Variants in CAPN2 observed in about 807,000 individuals in gnomAD.
The protein encoded by CAPN2 is calpain-2 catalytic subunit.
CAPN2 carries 92 observed loss-of-function variants against 102.3 expected under a neutral mutation model. The observed-to-expected ratio is 0.90, with a 90% CI of 0.76 to 1.07. The LOEUF is 1.07. CAPN2 is among the 50% of genes least tolerant of loss of function. CAPN2 has a pLI of 0.00. For synonymous variants in CAPN2, 340 were observed against 355.4 expected (o/e 0.96, Z 0.49); for missense variants, 800 against 909.4 (o/e 0.88, Z 1.55).
intron 1 of CAPN2, among the ~76,000 whole-genome samples, chr1:223,713,873 C>T (rs1207657260): frequency 2.0e-5 from 3 of 152,230 alleles, no homozygotes; most frequent in Admixed American, 1.3e-4. Context: ...TGACCTTGAA[C>T]GAGCCATTTA....
At position 223,755,687 on chromosome 1, in the gene CAPN2, G is replaced by A. The variant is rs1234418914; in HGVS notation, c.1305+38G>A. On this transcript the variant is annotated intron_variant, in intron 10 of 20. Coordinates refer to ENST00000295006, the MANE Select transcript of CAPN2 (RefSeq NM_001748.5). The surrounding 1 kb of genome is among the most constrained non-coding windows in gnomAD (Gnocchi z 4.1). ...GGGGCTCCTGCCCTCCCTTCCCCAT[G>A]TGTTCATCTCAGCCCCTGCATGGAA... 2 of 1,520,714 alleles carry A rather than the reference G, an allele frequency of 1.3e-6. No individual in the cohort carries two copies. The highest frequency in any genetic ancestry group is 2.8e-5 in the African/African-American group (2 of 71,540). The allele number at this position is 1,520,714 out of a possible 1,614,324, so 94.2% of individuals were successfully genotyped here.
intron 16 of CAPN2, 51 bp from the exon 17 acceptor site, chr1:223,769,790 C>A (rs1208116350): frequency 1.5e-6 from 2 of 1,358,120 alleles, no homozygotes; most frequent in Non-Finnish European, 2.1e-6. Context: ...AACTAGGTGA[C>A]ACTATGTGCA....
intron 20 of CAPN2, 132 bp from the exon 21 acceptor site, chr1:223,774,702 T>G: frequency 1.3e-6 from 1 of 744,172 alleles, no homozygotes; most frequent in South Asian, 1.6e-5. Flanking sequence ...AAAATATGAG[T>G]TAGTGCACTG....
chr1:223,707,454 A>G (rs1394332648), intron 1 of CAPN2, among the ~76,000 whole-genome samples: 2 of 152,150 alleles, frequency 1.3e-5, no homozygotes, highest in African/African-American at 4.8e-5. Context: ...CGTGAAAAGG[A>G]TTGTGTGGTC....
chr1:223,706,062 G>T (rs906005994), intron 1 of CAPN2, among the ~76,000 whole-genome samples: 1 of 152,228 alleles, frequency 6.6e-6, no homozygotes, highest in Non-Finnish European at 1.5e-5. Flanking sequence ...TAGCACTGGT[G>T]GGTGAGGGGC....
At chr1:223,716,773 C>T (rs187000979) in intron 1 of CAPN2, among the ~76,000 whole-genome samples, 44 of 152,036 alleles carry the variant, frequency 2.9e-4, no homozygotes, top group African/African-American at 9.6e-4. Flanking sequence ...TCTTCAGAAT[C>T]GAAACACACT....
At chr1:223,748,897 A>C (rs1415278455) in intron 5 of CAPN2, 142 bp from the exon 6 acceptor site, 3 of 735,014 alleles carry the variant, frequency 4.1e-6, no homozygotes, top group Non-Finnish European at 7.4e-6. Context: ...AAGAAAGCGC[A>C]GCCCTGAGCC....
intron 20 of CAPN2, among the ~76,000 whole-genome samples, chr1:223,773,799 T>C (rs1419693577): frequency 6.6e-6 from 1 of 151,652 alleles, no homozygotes; most frequent in East Asian, 1.9e-4. Context: ...GAGGTTGCAG[T>C]GAACTGAGAT....
chr1:223,759,323 C>T lies in CAPN2; in HGVS notation c.1371C>T (p.Arg457=), dbSNP rs150813013. 81 of 1,614,098 alleles carry T rather than the reference C, an allele frequency of 5.0e-5. No individual in the cohort carries two copies. Among genetic ancestry groups the T allele is most frequent in the African/African-American group, 6.7e-5 (5 of 74,928 alleles). ...GCAAAAACTTCTTCCTGACGAATCG[C>T]GCCAGGGAGCGCTCAGACACCTTCA... ...HLSKNFFLTN[R]ARERSDTFIN... is the part of the protein sequence containing the mutation. The change falls in exon 12 of 21, where the codon CGC becomes CGT. Residue 457 remains arginine (R), a synonymous_variant. Coordinates refer to ENST00000295006, the MANE Select transcript of CAPN2 (RefSeq NM_001748.5). The surrounding 1 kb of genome is among the most constrained non-coding windows in gnomAD (Gnocchi z 4.6).
intron 7 of CAPN2, 107 bp downstream of exon 7, chr1:223,751,082 G>A (rs1660878057): frequency 9.8e-6 from 10 of 1,021,852 alleles, no homozygotes; most frequent in Non-Finnish European, 1.5e-5. Context: ...GAGAAATATA[G>A]CCAGGAGAGC....
At chr1:223,753,021 C>T (rs2102804093) in intron 9 of CAPN2, 65 bp downstream of exon 9, 2 of 1,506,286 alleles carry the variant, frequency 1.3e-6, no homozygotes, top group African/African-American at 1.4e-5. Flanking sequence ...GCTCCCCTTA[C>T]CCCACCCTGT....
Position 223,759,431 on chromosome 1 carries a change from G to A in CAPN2, c.1479G>A (p.Lys493=). The A allele has an allele frequency of 6.2e-7, 1 of 1,614,182 alleles. No individual in the cohort carries two copies. Among genetic ancestry groups the A allele is most frequent in the Non-Finnish European group, 8.5e-7 (1 of 1,180,052 alleles). The change falls in exon 12 of 21, where the codon AAG becomes AAA. Residue 493 remains lysine (K), a synonymous_variant. Transcript: ENST00000295006. This position sits in a 1 kb window ranked among gnomAD's most constrained non-coding sequence, Gnocchi z 4.6. ...ILVPSTFEPN[K]DGDFCIRVFS... is the part of the protein sequence containing the mutation. Reference sequence around the variant, plus strand: ...TGCCTTCCACCTTCGAACCCAACAAGGATGGGGATTTCTGCATCCGGGTCT... The same window carrying A: ...TGCCTTCCACCTTCGAACCCAACAAAGATGGGGATTTCTGCATCCGGGTCT...
intron 11 of CAPN2, chr1:223,758,216 G>A (rs746658566): frequency 1.3e-5 from 2 of 152,162 alleles, no homozygotes; most frequent in African/African-American, 2.4e-5. Context: ...CTGCACTACC[G>A]TGGAATGACT....
At chr1:223,753,085 C>T (rs1400804104) in intron 9 of CAPN2, 129 bp downstream of exon 9, 3 of 788,696 alleles carry the variant, frequency 3.8e-6, no homozygotes, top group Non-Finnish European at 6.3e-6. Flanking sequence ...CACTGGAACC[C>T]TCTCTGTCTT....
rs1283633438 is a variant in CAPN2, at chr1:223,759,304, ACTT to A, written c.1357_1359del (p.Phe453del). On this transcript the variant is annotated inframe_deletion, in exon 12 of 21. Transcript: ENST00000295006. The surrounding 1 kb of genome is among the most constrained non-coding windows in gnomAD (Gnocchi z 4.6). ...CAGACCAACATCCACCTCAGCAAAAACTTCTTCCTGACGAATCGCGCCAGGGAG... is the reference window on the plus strand; with the variant it reads ...CAGACCAACATCCACCTCAGCAAAAACTTCCTGACGAATCGCGCCAGGGAG... 2 of 1,614,070 alleles carry A rather than the reference ACTT, an allele frequency of 1.2e-6. No homozygotes were observed. Among genetic ancestry groups the A allele is most frequent in the Non-Finnish European group, 1.7e-6 (2 of 1,180,054 alleles).
Position 223,755,518 on chromosome 1 carries a change from G to C in CAPN2, c.1174G>C (p.Glu392Gln), listed in dbSNP as rs771645418. 1 of 1,614,102 alleles carries C rather than the reference G, an allele frequency of 6.2e-7. No individual in the cohort carries two copies. The highest frequency in any genetic ancestry group is 1.1e-5 in the South Asian group (1 of 91,086). Reference protein sequence around the residue: ...WMNPQYLIKLEEEDEDEEDGE... With the variant: ...WMNPQYLIKLQEEDEDEEDGE... ...GAACCCTCAGTACCTGATCAAGCTG[G>C]AGGAGGAGGATGAGGACGAGGAGGA... Residue 392 changes from glutamate (E) to glutamine (Q), a missense_variant, in exon 10 of 21, where the codon GAG becomes CAG. Transcript: ENST00000295006. This position sits in a 1 kb window ranked among gnomAD's most constrained non-coding sequence, Gnocchi z 4.1.
At chr1:223,716,565 G>A (rs914366731) in intron 1 of CAPN2, among the ~76,000 whole-genome samples, 1 of 152,020 alleles carries the variant, frequency 6.6e-6, no homozygotes, top group Non-Finnish European at 1.5e-5. Flanking sequence ...ATCTGAGCTA[G>A]AATGAACAGG....
intron 9 of CAPN2, 36 bp downstream of exon 9, chr1:223,752,992 G>A (rs1477946774): frequency 1.0e-5 from 16 of 1,605,704 alleles, no homozygotes; most frequent in African/African-American, 2.7e-5. Flanking sequence ...GTTGCAATGC[G>A]GGGCCACCAA....
chr1:223,741,222 G>A (rs1180450377), intron 2 of CAPN2, among the ~76,000 whole-genome samples: 6 of 151,828 alleles, frequency 4.0e-5, no homozygotes, highest in Admixed American at 1.3e-4. Flanking sequence ...TTGGGTAAGG[G>A]AGCTTCCCAG....
Sources: gnomAD v4.1 joint callset for allele counts (sites outside exome capture counted in the v4.1 genomes callset) on GRCh38, gnomAD v4.1.1 for gene constraint, Gnocchi (gnomAD v3.1) non-coding constraint, MANE v1.5 for transcripts, NCBI Gene and HGNC (gene_info 2026-07-23, HGNC 2026-07-21) for gene names.